The following PRKN variants were observed in gnomAD, a reference collection of about 807,000 sequenced individuals.
PRKN encodes parkin RBR E3 ubiquitin protein ligase, also known as E3 ubiquitin-protein ligase parkin.
PRKN carries 56 observed loss-of-function variants against 59.5 expected under a neutral mutation model. The observed-to-expected ratio is 0.94, with a 90% CI of 0.76 to 1.18. The LOEUF is 1.18. Ranked by LOEUF, PRKN falls within the 50% of genes most tolerant of loss-of-function variation. The probability of loss-of-function intolerance (pLI) is 0.00; values close to 1 mark genes in which losing one functional copy is unlikely to be tolerated. For missense variants in PRKN, 657 were observed against 596.4 expected, an observed-to-expected ratio of 1.10 and a Z score of -1.06; for synonymous variants, 250 against 222.1, an observed-to-expected ratio of 1.13 and a Z score of -1.12.
intron 6 of PRKN, among the ~76,000 whole-genome samples, chr6:161,959,460 T>G (rs755058540): frequency 7.2e-5 from 11 of 152,172 alleles, no homozygotes; most frequent in Non-Finnish European, 1.3e-4. Context: ...ATATAAGAGG[T>G]TAAACTCTAC....
intron 7 of PRKN, among the ~76,000 whole-genome samples, chr6:161,674,924 G>C (rs899390743): frequency 5.3e-5 from 8 of 152,206 alleles, no homozygotes; most frequent in African/African-American, 1.7e-4. Context: ...AGCCCCTTGT[G>C]GGCAAGCCTC....
At chr6:162,252,133 G>A (rs928438442) in intron 3 of PRKN, among the ~76,000 whole-genome samples, 14 of 152,178 alleles carry the variant, frequency 9.2e-5, no homozygotes, top group African/African-American at 3.1e-4. Context: ...CATAAAGAGG[G>A]AAGGAAACAT....
At chr6:161,505,071 C>G (rs1163080296) in intron 9 of PRKN, among the ~76,000 whole-genome samples, 7 of 151,752 alleles carry the variant, frequency 4.6e-5, no homozygotes, top group Non-Finnish European at 1.0e-4. Context: ...AATGGTATTT[C>G]TAGTTCTAGA....
intron 1 of PRKN, among the ~76,000 whole-genome samples, chr6:162,473,111 T>G (rs1791838055): frequency 6.6e-6 from 1 of 152,122 alleles, no homozygotes; most frequent in Admixed American, 6.6e-5. Context: ...AAGTCCTAAC[T>G]TGTACAAGTG....
intron 6 of PRKN, among the ~76,000 whole-genome samples, chr6:161,819,997 G>A (rs897853416): frequency 6.6e-6 from 1 of 152,036 alleles, no homozygotes; most frequent in African/African-American, 2.4e-5. Flanking sequence ...ATTATCCTCA[G>A]TATATAAAGA....
intron 7 of PRKN, among the ~76,000 whole-genome samples, chr6:161,696,301 A>G (rs2128177400): frequency 6.6e-6 from 1 of 152,334 alleles, no homozygotes; most frequent in Admixed American, 6.5e-5. Flanking sequence ...TATGACTTAA[A>G]ATATTTGGAC....
At chr6:161,677,226 T>C (rs1785119977) in intron 7 of PRKN, among the ~76,000 whole-genome samples, 1 of 151,954 alleles carries the variant, frequency 6.6e-6, no homozygotes, top group South Asian at 2.1e-4. Flanking sequence ...TCTGGAAAAG[T>C]AGGAGTGATA....
intron 1 of PRKN, among the ~76,000 whole-genome samples, chr6:162,528,386 TTATAA>T (rs1379987765): frequency 6.6e-6 from 1 of 151,140 alleles, no homozygotes; most frequent in Non-Finnish European, 1.5e-5. Flanking sequence ...TCAAGACAAG[TTATAA>T]TAGAAGAGCA....
intron 4 of PRKN, among the ~76,000 whole-genome samples, chr6:162,118,380 T>C (rs977745645): frequency 6.6e-6 from 1 of 151,974 alleles, no homozygotes; most frequent in African/African-American, 2.4e-5. Context: ...CACTCCAGCC[T>C]GGGCTACAGA....
At chr6:162,074,690 C>T (rs1223792559) in intron 4 of PRKN, among the ~76,000 whole-genome samples, 1 of 152,126 alleles carries the variant, frequency 6.6e-6, no homozygotes, top group Non-Finnish European at 1.5e-5. Context: ...AGTGACTCGT[C>T]CTCCACGAAA....
chr6:161,887,825 T>C (rs765161093), intron 6 of PRKN, among the ~76,000 whole-genome samples: 5 of 152,172 alleles, frequency 3.3e-5, no homozygotes, highest in Non-Finnish European at 7.3e-5. Flanking sequence ...TTAAGGTCGA[T>C]GCGATTTTTA....
chr6:161,520,442 C>T (rs1778778141), intron 9 of PRKN, among the ~76,000 whole-genome samples: 1 of 151,778 alleles, frequency 6.6e-6, no homozygotes, highest in Admixed American at 6.6e-5. Flanking sequence ...TGGCCAGGCT[C>T]ATCTCAAACT....
intron 1 of PRKN, among the ~76,000 whole-genome samples, chr6:162,607,995 A>G (rs1781992931): frequency 6.6e-6 from 1 of 152,190 alleles, no homozygotes; most frequent in Non-Finnish European, 1.5e-5. Flanking sequence ...CATAGAGCCA[A>G]TTTGTCCTCT....
intron 2 of PRKN, among the ~76,000 whole-genome samples, chr6:162,329,940 TACA>T (rs1296357633): frequency 6.6e-6 from 1 of 152,126 alleles, no homozygotes; most frequent in Non-Finnish European, 1.5e-5. Flanking sequence ...GTATCCAATC[TACA>T]ACATCACAGC....
At chr6:162,681,713 T>C (rs2128232921) in intron 1 of PRKN, among the ~76,000 whole-genome samples, 1 of 152,290 alleles carries the variant, frequency 6.6e-6, no homozygotes, top group South Asian at 2.1e-4. Context: ...CACAGGTGTG[T>C]GACCTTTGTA....
At chr6:162,551,765 T>C (rs1779340853) in intron 1 of PRKN, among the ~76,000 whole-genome samples, 2 of 152,222 alleles carry the variant, frequency 1.3e-5, no homozygotes, top group South Asian at 4.1e-4. Context: ...CCATTTCTTC[T>C]CTTGTCCTCC....
intron 4 of PRKN, among the ~76,000 whole-genome samples, chr6:162,081,331 T>A (rs1381067573): frequency 6.6e-6 from 1 of 152,098 alleles, no homozygotes; most frequent in Non-Finnish European, 1.5e-5. Context: ...TATAGCATCA[T>A]GAAATTTTTT....
intron 3 of PRKN, among the ~76,000 whole-genome samples, chr6:162,225,097 A>C (rs1433570093): frequency 6.6e-6 from 1 of 152,206 alleles, no homozygotes; most frequent in South Asian, 2.1e-4. Flanking sequence ...TCTGGGCTGC[A>C]TCATAACATG....
chr6:162,214,452 G>T (rs1016247570), intron 3 of PRKN, among the ~76,000 whole-genome samples: 2 of 152,110 alleles, frequency 1.3e-5, no homozygotes, highest in African/African-American at 4.8e-5. Context: ...CACATGAAAG[G>T]TGGTTCCTGA....
Sources: gnomAD v4.1 joint callset for allele counts (sites outside exome capture counted in the v4.1 genomes callset) on GRCh38, gnomAD v4.1.1 for gene constraint, MANE v1.5 for transcripts, NCBI Gene and HGNC (gene_info 2026-07-23, HGNC 2026-07-21) for gene names.